CTNNA2: variants seen among roughly 807,000 people sequenced by gnomAD.
CTNNA2 encodes the protein catenin alpha 2.
A neutral mutation model predicts 101.0 loss-of-function variants in CTNNA2; 42 were observed. The ratio of observed to expected loss-of-function variants is 0.42; its 90% CI spans 0.32 to 0.54. The LOEUF (loss-of-function observed/expected upper bound fraction) is 0.54. CTNNA2 is among the 20% of genes least tolerant of loss of function. The pLI is 0.14. For synonymous variants in CTNNA2, 450 were observed against 456.4 expected, an observed-to-expected ratio of 0.99 and a Z score of 0.18; for missense variants, 871 against 1,223.1, an observed-to-expected ratio of 0.71 and a Z score of 4.29.
At chr2:79,575,799 G>A (rs1441680260) in intron 1 of CTNNA2, among the ~76,000 whole-genome samples, 1 of 152,172 alleles carries the variant, frequency 6.6e-6, no homozygotes, top group Non-Finnish European at 1.5e-5. Flanking sequence ...AGCCTGCTTG[G>A]ATTGAAGTAC....
chr2:80,420,382 G>T (rs1680422801), intron 9 of CTNNA2, among the ~76,000 whole-genome samples: 1 of 152,034 alleles, frequency 6.6e-6, no homozygotes, highest in Non-Finnish European at 1.5e-5. Flanking sequence ...GAGGGATGAG[G>T]ATGGATCCTG....
At chr2:80,617,310 C>T (rs903457356) in intron 17 of CTNNA2, among the ~76,000 whole-genome samples, 9 of 148,572 alleles carry the variant, frequency 6.1e-5, no homozygotes, top group Non-Finnish European at 9.0e-5. Context: ...TATAAAAAAT[C>T]AAAGATAAGC....
At chr2:79,379,834 C>A (rs2104462089) in intron 4 of CTNNA2, among the ~76,000 whole-genome samples, 1 of 152,202 alleles carries the variant, frequency 6.6e-6, no homozygotes. Flanking sequence ...CCCTAGTTAA[C>A]TTTCTGGAAA....
chr2:79,408,826 G>A (rs950282316), intron 4 of CTNNA2, among the ~76,000 whole-genome samples: 2 of 151,752 alleles, frequency 1.3e-5, no homozygotes, highest in African/African-American at 4.8e-5. Flanking sequence ...GTAATGGGAT[G>A]GCTGGGTCAA....
At position 79,874,119 on chromosome 2, in the gene CTNNA2, G is replaced by T. The variant is rs777032066; in HGVS notation, c.629G>T (p.Arg210Leu). 8 of 1,614,054 alleles carry T rather than the reference G, an allele frequency of 5.0e-6. No individual in the cohort carries two copies. The highest frequency in any genetic ancestry group is 6.8e-6 in the Non-Finnish European group (8 of 1,180,038). Residue 210 changes from arginine to leucine, a missense_variant, in exon 6 of 19, where the codon CGA becomes CTA. Coordinates refer to ENST00000402739, the MANE Select transcript of CTNNA2 (RefSeq NM_001282597.3). ...TGTCGGGATGAGATGGCAGCCGCCC[G>T]AGGGGCTCTGAAGAAGAATGCCACA... ...PHCRDEMAAA[R>L]GALKKNATML... is the part of the protein sequence containing the mutation.
At chr2:79,728,699 G>A (rs927223227) in intron 2 of CTNNA2, among the ~76,000 whole-genome samples, 2 of 152,088 alleles carry the variant, frequency 1.3e-5, no homozygotes, top group South Asian at 2.1e-4. Flanking sequence ...TAGGGTTTTT[G>A]TGGTTTTAGG....
chr2:80,424,671 G>A (rs1680838355), intron 9 of CTNNA2, among the ~76,000 whole-genome samples: 2 of 152,180 alleles, frequency 1.3e-5, no homozygotes, highest in African/African-American at 4.8e-5. Context: ...CCACAGTCCT[G>A]AAGAATAATC....
At chr2:79,523,304 G>C (rs1476514214) in intron 1 of CTNNA2, 1 of 443,980 alleles carries the variant, frequency 2.3e-6, no homozygotes, top group Non-Finnish European at 4.5e-6. Context: ...AGAAATAGAG[G>C]TGAAGGTTTG....
chr2:80,199,143 TG>T (rs1219370900), intron 7 of CTNNA2, among the ~76,000 whole-genome samples: 2 of 133,604 alleles, frequency 1.5e-5, no homozygotes, highest in Non-Finnish European at 3.0e-5. Flanking sequence ...ATTGTGCCAT[TG>T]CACTCCAGCC....
At chr2:79,749,258 C>T (rs1050828091) in intron 3 of CTNNA2, among the ~76,000 whole-genome samples, 7 of 152,068 alleles carry the variant, frequency 4.6e-5, no homozygotes, top group Admixed American at 4.6e-4. Flanking sequence ...CATTCAGATG[C>T]ATCTGCCGTA....
At chr2:79,921,498 C>T (rs1000067925) in intron 7 of CTNNA2, among the ~76,000 whole-genome samples, 4 of 152,126 alleles carry the variant, frequency 2.6e-5, no homozygotes, top group Non-Finnish European at 5.9e-5. Context: ...CTTTGCCCTG[C>T]GAGATACTAA....
chr2:79,512,761 G>A (rs941127036), upstream of CTNNA2, among the ~76,000 whole-genome samples: 12 of 151,470 alleles, frequency 7.9e-5, no homozygotes, highest in African/African-American at 2.7e-4. Flanking sequence ...CGCCTCCAGA[G>A]CTCCGCCCTA....
At chr2:80,308,493 A>G (rs1677238567) in intron 7 of CTNNA2, among the ~76,000 whole-genome samples, 1 of 152,146 alleles carries the variant, frequency 6.6e-6, no homozygotes, top group African/African-American at 2.4e-5. Context: ...AAAAAGAGAG[A>G]ATTAACTTTG....
At chr2:79,359,272 G>C (rs1395215905) in intron 3 of CTNNA2, among the ~76,000 whole-genome samples, 1 of 152,090 alleles carries the variant, frequency 6.6e-6, no homozygotes, top group Non-Finnish European at 1.5e-5. Context: ...TAAATTAAAG[G>C]GGCTAGGACT....
At chr2:79,234,534 G>A (rs1044239919) in intron 2 of CTNNA2, among the ~76,000 whole-genome samples, 1 of 152,038 alleles carries the variant, frequency 6.6e-6, no homozygotes, top group African/African-American at 2.4e-5. Flanking sequence ...ATTTTTTGTA[G>A]TATCTTTCAG....
intron 2 of CTNNA2, among the ~76,000 whole-genome samples, chr2:79,703,151 T>C (rs1685123266): frequency 6.6e-6 from 1 of 152,192 alleles, no homozygotes; most frequent in Admixed American, 6.5e-5. Context: ...TTTCTCCAAC[T>C]TAGCAGAGAG....
At chr2:79,820,657 A>G (rs1038180119) in intron 3 of CTNNA2, among the ~76,000 whole-genome samples, 1 of 152,210 alleles carries the variant, frequency 6.6e-6, no homozygotes, top group African/African-American at 2.4e-5. Context: ...GGAAGGAAAA[A>G]GGAAGGAAAA....
intron 1 of CTNNA2, among the ~76,000 whole-genome samples, chr2:79,526,099 T>C (rs1375373011): frequency 6.6e-6 from 1 of 152,036 alleles, no homozygotes; most frequent in African/African-American, 2.4e-5. Flanking sequence ...CAAGGCAAGT[T>C]AATACCATAT....
chr2:79,304,857 T>C (rs1676195925), intron 2 of CTNNA2, among the ~76,000 whole-genome samples: 2 of 152,196 alleles, frequency 1.3e-5, no homozygotes, highest in African/African-American at 4.8e-5. Context: ...CAGTGAGGCA[T>C]GAAGAAATGA....
Sources: allele counts gnomAD v4.1 joint callset (sites outside exome capture counted in the v4.1 genomes callset), GRCh38; gene constraint gnomAD v4.1.1; transcripts MANE v1.5; gene names NCBI Gene and HGNC (gene_info 2026-07-23, HGNC 2026-07-21).